Variants in ANK3 observed in about 807,000 individuals in gnomAD.
The protein encoded by ANK3 is ankyrin-3.
ANK3 carries 57 observed loss-of-function variants against 370.9 expected under a neutral mutation model. The observed-to-expected ratio is 0.15, with a 90% CI of 0.12 to 0.19. The LOEUF is 0.19. Among genes scored for constraint, ANK3 ranks in the 10% least tolerant of loss-of-function variants. ANK3 has a pLI of 1.00. For synonymous variants in ANK3, 1,929 were observed against 1,946.3 expected (o/e 0.99, Z 0.23); for missense variants, 4,439 against 5,302.1 (o/e 0.84, Z 5.06).
At chr10:60,508,845 G>A (rs954396527) in intron 2 of ANK3, among the ~76,000 whole-genome samples, 7 of 152,148 alleles carry the variant, frequency 4.6e-5, no homozygotes, top group Non-Finnish European at 2.9e-5. Flanking sequence ...ATTAGATGCA[G>A]AAGTAGAATA....
intron 2 of ANK3, among the ~76,000 whole-genome samples, chr10:60,501,699 CTG>C (rs1162500639): frequency 9.3e-5 from 11 of 118,432 alleles, no homozygotes; most frequent in Non-Finnish European, 1.5e-4. Context: ...CAGTGAGACT[CTG>C]TCTCAAAAAA....
intron 1 of ANK3, among the ~76,000 whole-genome samples, chr10:60,362,852 G>A (rs1402192110): frequency 1.3e-5 from 2 of 152,092 alleles, no homozygotes; most frequent in Non-Finnish European, 2.9e-5. Flanking sequence ...GCAGAACCAG[G>A]TGGATTCACA....
At chr10:60,222,575 T>A (rs929473731) in intron 8 of ANK3, among the ~76,000 whole-genome samples, 1 of 152,186 alleles carries the variant, frequency 6.6e-6, no homozygotes, top group Non-Finnish European at 1.5e-5. Context: ...TGATTTAGGA[T>A]GCCATTCTGT....
At chr10:60,526,548 C>T (rs541369321) in intron 2 of ANK3, among the ~76,000 whole-genome samples, 448 of 152,074 alleles carry the variant, frequency 2.9e-3, no homozygotes, top group Non-Finnish European at 4.9e-3. Flanking sequence ...TAGTGTAATA[C>T]GCTTACCCAT....
chr10:60,692,266 G>A (rs1341656880), intron 1 of ANK3, among the ~76,000 whole-genome samples: 1 of 152,160 alleles, frequency 6.6e-6, no homozygotes, highest in Non-Finnish European at 1.5e-5. Flanking sequence ...GAGCACAGGA[G>A]CTCTGCCTCT....
intron 8 of ANK3, among the ~76,000 whole-genome samples, chr10:60,232,796 G>A (rs755710708): frequency 6.6e-6 from 1 of 152,132 alleles, no homozygotes; most frequent in Admixed American, 6.5e-5. Flanking sequence ...GTGGTGTCTT[G>A]CTCTGTCACC....
intron 1 of ANK3, among the ~76,000 whole-genome samples, chr10:60,661,040 G>A (rs542224603): frequency 6.6e-6 from 1 of 152,074 alleles, no homozygotes; most frequent in South Asian, 2.1e-4. Flanking sequence ...CACCAAGAAA[G>A]GTTTCTAAGT....
At position 60,091,976 on chromosome 10, in the gene ANK3, A is replaced by G. The variant is rs139416203; in HGVS notation, c.3329-3618T>C. 4.1e-3 allele frequency among the ~76,000 whole-genome samples: 620 copies of G among 152,108 alleles called. 7 individuals are homozygous for G. The highest frequency in any genetic ancestry group is 0.027 in the Admixed American group (418 of 15,286). ...GATCTCTTGACCTCGTGATCTGCCC[A>G]CCTCAGCCTCCCAAAGTGCTGGGAT... On this transcript the variant is annotated intron_variant, in intron 28 of 43. Coordinates refer to ENST00000280772, the MANE Select transcript of ANK3 (RefSeq NM_020987.5).
chr10:60,621,845 C>T (rs2078342169), intron 1 of ANK3, among the ~76,000 whole-genome samples: 1 of 152,096 alleles, frequency 6.6e-6, no homozygotes, highest in South Asian at 2.1e-4. Flanking sequence ...ATAGTGGCAA[C>T]TCAAATCGTA....
At chr10:60,352,022 C>A (rs371199336) in intron 1 of ANK3, among the ~76,000 whole-genome samples, 4 of 152,204 alleles carry the variant, frequency 2.6e-5, no homozygotes, top group Non-Finnish European at 5.9e-5. Flanking sequence ...AAGGCCAGCA[C>A]GCAGTGGCTC....
rs557021543 is a variant in ANK3, at chr10:60,140,996, C to T, written c.2615-1909G>A. ...GGAGTGGCATGGAGCTCCAGGCAAACTTTCAACTTTGTTCTCAGCTGGGAA... is the reference window on the plus strand; with the variant it reads ...GGAGTGGCATGGAGCTCCAGGCAAATTTTCAACTTTGTTCTCAGCTGGGAA... On this transcript the variant is annotated intron_variant, in intron 23 of 43. Transcript: ENST00000280772. 4.1e-5 allele frequency: 40 copies of T among 985,466 alleles called. No individual in the cohort carries two copies. The East Asian group carries it at 4.3e-3, about 107-fold the overall frequency. 61.0% of individuals were successfully genotyped at this position (985,466 alleles called of 1,614,324 possible). A position where few individuals can be genotyped will look rare whatever the true frequency, so the allele number is the denominator to read the frequency against.
At chr10:60,488,566 CTCCCCTT>C (rs1290183673) in intron 2 of ANK3, among the ~76,000 whole-genome samples, 1 of 152,074 alleles carries the variant, frequency 6.6e-6, no homozygotes, top group Non-Finnish European at 1.5e-5. Flanking sequence ...TCACCCTGTT[CTCCCCTT>C]TCTCCCAGCC....
At chr10:60,176,528 G>A (rs553040194) in intron 18 of ANK3, among the ~76,000 whole-genome samples, 24 of 152,200 alleles carry the variant, frequency 1.6e-4, no homozygotes, top group African/African-American at 4.3e-4. Flanking sequence ...TTTGGAGGCC[G>A]AGGCCGGCGG....
chr10:60,726,209 CAT>C (rs752816171), intron 1 of ANK3, among the ~76,000 whole-genome samples: 48 of 151,970 alleles, frequency 3.2e-4, no homozygotes, highest in Non-Finnish European at 6.0e-4. Flanking sequence ...TTTAATCCTT[CAT>C]ATAAAAAAAA....
At chr10:60,184,420 C>T (rs1214114982) in intron 17 of ANK3, among the ~76,000 whole-genome samples, 1 of 152,156 alleles carries the variant, frequency 6.6e-6, no homozygotes, top group Non-Finnish European at 1.5e-5. Context: ...CAAGGATTTA[C>T]AAATGCCTTC....
chr10:60,088,092 T>G, intron 29 of ANK3, 55 bp downstream of exon 29: 1 of 1,403,084 alleles, frequency 7.1e-7, no homozygotes, highest in East Asian at 2.3e-5. Flanking sequence ...GAGCAAAACA[T>G]GCACTCACAT....
chr10:60,183,531 C>A (rs1195896820), intron 17 of ANK3, among the ~76,000 whole-genome samples: 2 of 152,116 alleles, frequency 1.3e-5, no homozygotes, highest in African/African-American at 4.8e-5. Context: ...ACCTGTTAAT[C>A]TTTTATGGCA....
At chr10:60,383,409 G>C (rs1321868228) in intron 1 of ANK3, among the ~76,000 whole-genome samples, 2 of 152,160 alleles carry the variant, frequency 1.3e-5, no homozygotes, top group African/African-American at 4.8e-5. Flanking sequence ...CTGAGGCACA[G>C]AGAGACTAAA....
intron 42 of ANK3, chr10:60,043,183 A>G (rs1283653816): frequency 2.0e-6 from 2 of 988,116 alleles, no homozygotes; most frequent in African/African-American, 3.5e-5. Flanking sequence ...AAGTTAGTGG[A>G]ATTGCCAATG....
Sources: allele counts gnomAD v4.1 joint callset (sites outside exome capture counted in the v4.1 genomes callset), GRCh38; gene constraint gnomAD v4.1.1; transcripts MANE v1.5; gene names NCBI Gene and HGNC (gene_info 2026-07-23, HGNC 2026-07-21).